XKR6: variants seen among roughly 807,000 people sequenced by gnomAD.
XKR6 encodes XK related 6.
In XKR6, 22 loss-of-function variants were observed where a neutral mutation model predicts 56.7. That is an observed-to-expected ratio of 0.39 (90% CI 0.28 to 0.55). The LOEUF (loss-of-function observed/expected upper bound fraction) is 0.55. Among genes scored for constraint, XKR6 ranks in the 20% least tolerant of loss-of-function variants. The pLI is 0.66. For missense variants in XKR6, 852 were observed against 889.0 expected (o/e 0.96, Z 0.53); for synonymous variants, 524 against 387.8 (o/e 1.35, Z -4.13).
At chr8:11,103,971 T>A (rs1336060971) in intron 1 of XKR6, among the ~76,000 whole-genome samples, 2 of 152,210 alleles carry the variant, frequency 1.3e-5, no homozygotes, top group Non-Finnish European at 1.5e-5. Flanking sequence ...TGGGAGGAGA[T>A]GCGGAGTAAT....
chr8:11,134,500 T>A lies in XKR6; in HGVS notation c.764+66076A>T, dbSNP rs75221074. Among the ~76,000 whole-genome samples, 130 of 152,334 alleles carry A rather than the reference T, an allele frequency of 8.5e-4. 1 individual carries two copies. In the East Asian group the frequency reaches 0.017, roughly 20 times the overall value. ...ATTCTATGCACTCATTTCTGTCTCC[T>A]AGGCACAATGGCAGGCATTCAGTGG... On this transcript the variant is annotated intron_variant, in intron 1 of 2. Transcript: ENST00000416569.
chr8:11,022,694 G>T (rs770364363), intron 1 of XKR6, among the ~76,000 whole-genome samples: 1 of 152,196 alleles, frequency 6.6e-6, no homozygotes, highest in Non-Finnish European at 1.5e-5. Context: ...CTGAGGCCCA[G>T]AGAGGTTATC....
At chr8:10,981,278 A>G (rs540748522) in intron 1 of XKR6, among the ~76,000 whole-genome samples, 1 of 152,314 alleles carries the variant, frequency 6.6e-6, no homozygotes, top group Admixed American at 6.5e-5. Context: ...TGAAGTTATG[A>G]ATTGCTCCCA....
At chr8:11,183,774 C>T (rs1389254920) in intron 1 of XKR6, among the ~76,000 whole-genome samples, 1 of 152,108 alleles carries the variant, frequency 6.6e-6, no homozygotes, top group East Asian at 1.9e-4. Context: ...CCCCTAAATA[C>T]GGTTTTTGGA....
At chr8:11,138,720 G>C (rs930764063) in intron 1 of XKR6, 2 of 152,032 alleles carry the variant, frequency 1.3e-5, no homozygotes, top group Non-Finnish European at 2.9e-5. Flanking sequence ...AGGTCTTCAG[G>C]TTGATGAAAA....
At chr8:11,140,410 AC>A (rs1800632739) in intron 1 of XKR6, among the ~76,000 whole-genome samples, 1 of 152,222 alleles carries the variant, frequency 6.6e-6, no homozygotes, top group South Asian at 2.1e-4. Context: ...AGGCAAAAAG[AC>A]CACATGACTT....
At chr8:10,982,581 G>C (rs1206284845) in intron 1 of XKR6, among the ~76,000 whole-genome samples, 2 of 152,176 alleles carry the variant, frequency 1.3e-5, no homozygotes, top group Non-Finnish European at 2.9e-5. Context: ...CGGGAGAAAT[G>C]TTCTGTTTGC....
chr8:10,943,851 G>A (rs566778497), intron 1 of XKR6, among the ~76,000 whole-genome samples: 2 of 151,968 alleles, frequency 1.3e-5, no homozygotes, highest in Non-Finnish European at 2.9e-5. Context: ...ACATCCCTAC[G>A]AATGAGATCA....
At position 11,034,091 on chromosome 8, in the gene XKR6, G is replaced by GA. The variant is rs964531999; in HGVS notation, c.765-109262dup. Among the ~76,000 whole-genome samples, 80 of 152,260 alleles carry GA rather than the reference G, an allele frequency of 5.3e-4. 1 individual carries two copies. Among genetic ancestry groups the GA allele is most frequent in the African/African-American group, 1.8e-3 (74 of 41,546 alleles). The stretch of plus-strand genomic sequence containing the variant: ...CACAGTCCACGACCAAACTAAATGA[G>GA]AAAAAAACAAATCACATAAAACGCA... On this transcript the variant is annotated intron_variant, in intron 1 of 2. Transcript: ENST00000416569.
At chr8:11,118,386 C>A (rs971761607) in intron 1 of XKR6, among the ~76,000 whole-genome samples, 3 of 152,288 alleles carry the variant, frequency 2.0e-5, no homozygotes, top group African/African-American at 7.2e-5. Context: ...AGGAATGGTA[C>A]CAGCTCCTCC....
At chr8:11,014,161 G>T (rs573908146) in intron 1 of XKR6, among the ~76,000 whole-genome samples, 42 of 152,226 alleles carry the variant, frequency 2.8e-4, no homozygotes, top group African/African-American at 9.9e-4. Flanking sequence ...ATTTTTAAAG[G>T]TCCTTAAATA....
At chr8:10,996,482 C>T (rs1798115804) in intron 1 of XKR6, among the ~76,000 whole-genome samples, 1 of 152,210 alleles carries the variant, frequency 6.6e-6, no homozygotes, top group Non-Finnish European at 1.5e-5. Context: ...CATCTCTATA[C>T]TGCTAAGAGC....
Position 11,075,590 on chromosome 8 carries a change from A to G in XKR6, c.764+124986T>C, listed in dbSNP as rs115287102. On this transcript the variant is annotated intron_variant, in intron 1 of 2. Transcript: ENST00000416569. ...ACTACTGTTCTCAATTTACTGATTC[A>G]AAAAAGTAACTTGGCCAGGCTCGGT... Among the ~76,000 whole-genome samples, 1,343 of 152,306 alleles carry G rather than the reference A, an allele frequency of 8.8e-3. 19 individuals are homozygous for G. Among genetic ancestry groups the G allele is most frequent in the African/African-American group, 0.031 (1,274 of 41,554 alleles).
chr8:11,084,713 T>C (rs1173511099), intron 1 of XKR6, among the ~76,000 whole-genome samples: 8 of 152,178 alleles, frequency 5.3e-5, no homozygotes, highest in African/African-American at 1.7e-4. Context: ...TTTTCCCTTC[T>C]AGAAAGAAGC....
At chr8:11,121,030 A>C (rs1377941289) in intron 1 of XKR6, among the ~76,000 whole-genome samples, 1 of 152,208 alleles carries the variant, frequency 6.6e-6, no homozygotes, top group Non-Finnish European at 1.5e-5. Context: ...TTAGACAAAA[A>C]TTAATTCAAG....
chr8:10,990,051 A>G (rs1195582659), intron 1 of XKR6, among the ~76,000 whole-genome samples: 1 of 152,238 alleles, frequency 6.6e-6, no homozygotes, highest in African/African-American at 2.4e-5. Flanking sequence ...ATAGGTGGTC[A>G]TTATCTCCCA....
intron 1 of XKR6, among the ~76,000 whole-genome samples, chr8:10,987,029 A>T (rs1193963959): frequency 6.6e-6 from 1 of 152,056 alleles, no homozygotes; most frequent in African/African-American, 2.4e-5. Flanking sequence ...GATTCAAGTG[A>T]TCCTCCCACT....
At chr8:11,141,200 G>A (rs1317929151) in intron 1 of XKR6, among the ~76,000 whole-genome samples, 3 of 152,212 alleles carry the variant, frequency 2.0e-5, no homozygotes, top group Non-Finnish European at 1.5e-5. Context: ...GTTATTCAGA[G>A]ACTTCCTATG....
intron 1 of XKR6, among the ~76,000 whole-genome samples, chr8:11,179,693 A>C (rs1802865806): frequency 6.6e-6 from 1 of 152,168 alleles, no homozygotes; most frequent in Non-Finnish European, 1.5e-5. Context: ...CGGTGTCAAC[A>C]CTGCAGGACT....
Sources: allele counts gnomAD v4.1 joint callset (sites outside exome capture counted in the v4.1 genomes callset), GRCh38; gene constraint gnomAD v4.1.1; transcripts MANE v1.5; gene names NCBI Gene and HGNC (gene_info 2026-07-23, HGNC 2026-07-21).